The following TENT5A variants were observed in gnomAD, a reference collection of about 807,000 sequenced individuals.
The protein encoded by TENT5A is terminal nucleotidyltransferase 5A.
Under a neutral mutation model 30.2 loss-of-function variants are expected in TENT5A, and 9 were observed. The observed-to-expected ratio is 0.30, with a 90% CI of 0.18 to 0.52. TENT5A has a LOEUF of 0.52. TENT5A is among the 20% of genes least tolerant of loss of function. The pLI, the probability that TENT5A is intolerant of heterozygous loss-of-function variation, is 0.97. For synonymous variants in TENT5A, 264 were observed against 234.2 expected (o/e 1.13, Z -1.16); for missense variants, 411 against 566.1 (o/e 0.73, Z 2.78).
At position 81,747,371 on chromosome 6, in the gene TENT5A, G is replaced by A. The variant is rs1768908127; in HGVS notation, c.*2324C>T. On this transcript the variant is annotated 3_prime_UTR_variant, in exon 3 of 3. Transcript: ENST00000320172. The stretch of plus-strand genomic sequence containing the variant: ...TTTTCAAACCCAGGGCTTAAGTGAG[G>A]GAGACTGAGCCAAGATGGTAGTAGG... 2 of 985,734 alleles carry A rather than the reference G, an allele frequency of 2.0e-6. No homozygotes were observed. The highest frequency in any genetic ancestry group is 4.7e-5 in the South Asian group (1 of 21,292). The allele number at this position is 985,734 out of a possible 1,614,324, so 61.1% of individuals were successfully genotyped here. A position where few individuals can be genotyped will look rare whatever the true frequency, so the allele number is the denominator to read the frequency against.
rs997529529 is a variant in TENT5A, at chr6:81,752,275, C to CT, written c.-37-98dup. On this transcript the variant is annotated intron_variant, in intron 1 of 2. Coordinates refer to ENST00000320172, the MANE Select transcript of TENT5A (RefSeq NM_017633.3). ...AGGCCCGCCAGGAAAAGAGCGCCCCCTCCCCCGATAGTTCCCTGACCCCGG... is the reference window on the plus strand; with the variant it reads ...AGGCCCGCCAGGAAAAGAGCGCCCCCTTCCCCCGATAGTTCCCTGACCCCGG... 186 of 1,495,566 alleles carry CT rather than the reference C, an allele frequency of 1.2e-4. 1 individual carries two copies. Among genetic ancestry groups the CT allele is most frequent in the South Asian group, 2.6e-4 (20 of 75,832 alleles). 92.6% of individuals were successfully genotyped at this position (1,495,566 alleles called of 1,614,324 possible). A position where few individuals can be genotyped will look rare whatever the true frequency, so the allele number is the denominator to read the frequency against.
rs954582101 is a variant in TENT5A at position 81,746,830 on chromosome 6, A to C, written c.*2865T>G. 8.6e-6 allele frequency: 10 copies of C among 1,164,322 alleles called. No individual in the cohort carries two copies. Among genetic ancestry groups the C allele is most frequent in the Non-Finnish European group, 9.5e-6 (9 of 945,904 alleles). 72.1% of individuals were successfully genotyped at this position (1,164,322 alleles called of 1,614,324 possible). A position where few individuals can be genotyped will look rare whatever the true frequency, so the allele number is the denominator to read the frequency against. On this transcript the variant is annotated 3_prime_UTR_variant, in exon 3 of 3. Transcript: ENST00000320172. Reference sequence around the variant, plus strand: ...TCAAATTTTTAGGCCGCACATCCACAAAGAGAGACATATATTTCACTGTGT... The same window carrying C: ...TCAAATTTTTAGGCCGCACATCCACCAAGAGAGACATATATTTCACTGTGT...
At position 81,747,906 on chromosome 6, in the gene TENT5A, A is replaced by G; in HGVS notation, c.*1789T>C. On this transcript the variant is annotated 3_prime_UTR_variant, in exon 3 of 3. Coordinates refer to ENST00000320172, the MANE Select transcript of TENT5A (RefSeq NM_017633.3). ...TTCATTTCACAAAGGTATAACTGGT[A>G]TTTTTGTAAGAAAGAAAATAAAGTT... 1 of 985,674 alleles carries G rather than the reference A, an allele frequency of 1.0e-6. No individual in the cohort carries two copies. Among genetic ancestry groups the G allele is most frequent in the Non-Finnish European group, 1.2e-6 (1 of 829,746 alleles). 61.1% of individuals were successfully genotyped at this position (985,674 alleles called of 1,614,324 possible).
chr6:81,752,180 TA>T lies in TENT5A; in HGVS notation c.-37-3del. The T allele has an allele frequency of 1.3e-6, 2 of 1,499,758 alleles. No individual in the cohort carries two copies. Among genetic ancestry groups the T allele is most frequent in the Non-Finnish European group, 1.8e-6 (2 of 1,125,852 alleles). The allele number at this position is 1,499,758 out of a possible 1,614,324, so 92.9% of individuals were successfully genotyped here. A position where few individuals can be genotyped will look rare whatever the true frequency, so the allele number is the denominator to read the frequency against. On this transcript the variant is annotated splice_polypyrimidine_tract_variant and splice_region_variant and intron_variant, in intron 1 of 2. Coordinates refer to ENST00000320172, the MANE Select transcript of TENT5A (RefSeq NM_017633.3). ...AGCGCCACTTGGCCCTGGTCAGTCC[TA>T]AAAAGAAAGGGAAAGGAGCGCGGTG...
At position 81,750,124 on chromosome 6, in the gene TENT5A, C is replaced by G. The variant is rs1245493575; in HGVS notation, c.900G>C (p.Leu300Phe). 1 of 1,613,614 alleles carries G rather than the reference C, an allele frequency of 6.2e-7. No homozygotes were observed. Among genetic ancestry groups the G allele is most frequent in the Admixed American group, 1.7e-5 (1 of 59,960 alleles). Residue 300 changes from leucine to phenylalanine, a missense_variant, in exon 3 of 3, where the codon TTG (leucine) becomes TTC (phenylalanine). Leu to Phe is a conservative substitution (Grantham distance 22). Coordinates refer to ENST00000320172, the MANE Select transcript of TENT5A (RefSeq NM_017633.3). This position sits in a 1 kb window ranked among gnomAD's most constrained non-coding sequence, Gnocchi z 4.2. ...CAGAGGCGGGCCTAAAGCCCCTCAC[C>G]AAGAGGTTGCAGTACTTAAGCAGGC... ...GGGLLKYCNL[L>F]VRGFRPASDE...
At position 81,749,284 on chromosome 6, in the gene TENT5A, T is replaced by C; in HGVS notation, c.*411A>G. ...TCACAAGTTGGAGTGAGACCTTTTT[T>C]CCTCCGTATTTTCCCTTTTATGAAT... On this transcript the variant is annotated 3_prime_UTR_variant, in exon 3 of 3. Coordinates refer to ENST00000320172, the MANE Select transcript of TENT5A (RefSeq NM_017633.3). The C allele has an allele frequency of 1.0e-6, 1 of 994,596 alleles. No individual in the cohort carries two copies. The highest frequency in any genetic ancestry group is 1.2e-6 in the Non-Finnish European group (1 of 836,232). The allele number at this position is 994,596 out of a possible 1,614,324, so 61.6% of individuals were successfully genotyped here.
rs1768998972 is a variant in TENT5A, at chr6:81,749,991, C to T, written c.1033G>A (p.Val345Met). 1.9e-6 allele frequency: 3 copies of T among 1,614,074 alleles called. No homozygotes were observed. The highest frequency in any genetic ancestry group is 1.7e-5 in the Admixed American group (1 of 59,998). Residue 345 changes from valine to methionine, a missense_variant, in exon 3 of 3, where the codon GTG becomes ATG. Physicochemically the swap from Val to Met is conservative, Grantham distance 21. Coordinates refer to ENST00000320172, the MANE Select transcript of TENT5A (RefSeq NM_017633.3). ...KLESYLQNHF[V>M]GLEDRKYEYL... ...TCATACTTGCGGTCTTCCAATCCCA[C>T]AAAGTGGTTCTGCAAATAGGACTCC...
Position 81,752,054 on chromosome 6 carries a change from C to T in TENT5A, c.88G>A (p.Gly30Ser), listed in dbSNP as rs536859358. 6.3e-7 allele frequency: 1 copy of T among 1,592,844 alleles called. No individual in the cohort carries two copies. Among genetic ancestry groups the T allele is most frequent in the Non-Finnish European group, 8.5e-7 (1 of 1,169,744 alleles). Reference protein sequence around the residue: ...YIPLGGDFGGGDFGGGDFGGG... With the variant: ...YIPLGGDFGGSDFGGGDFGGG... ...CCGAAGTCGCCGCCGCCGAAGTCGC[C>T]GCCGCCGAAGTCGCCGCCTAGGGGG... is the stretch of plus-strand genomic sequence containing the variant. Residue 30 changes from glycine (G) to serine (S), a missense_variant, in exon 2 of 3, where the codon GGC becomes AGC. Gly to Ser is a moderately conservative substitution (Grantham distance 56). Around this residue, in one of 5 missense-constraint regions of TENT5A, gnomAD observed 10 missense variants for 32.6 expected, o/e 0.31. Transcript: ENST00000320172.
In TENT5A at chr6:81,752,456, G is replaced by A; in HGVS notation, c.-63C>T. 1 of 1,549,782 alleles carries A rather than the reference G, an allele frequency of 6.5e-7. No individual in the cohort carries two copies. The highest frequency in any genetic ancestry group is 8.7e-7 in the Non-Finnish European group (1 of 1,146,590). On this transcript the variant is annotated 5_prime_UTR_variant, in exon 1 of 3. Coordinates refer to ENST00000320172, the MANE Select transcript of TENT5A (RefSeq NM_017633.3). Reference sequence around the variant, plus strand: ...CTGGAGGCGGCCGCCCCTTCTAGGAGCGCAGCGAGCGAGAGCGAAACCGAG... The same window carrying A: ...CTGGAGGCGGCCGCCCCTTCTAGGAACGCAGCGAGCGAGAGCGAAACCGAG...
In TENT5A at chr6:81,750,826, C is replaced by T. The variant is rs1177862046; in HGVS notation, c.553-355G>A. The stretch of plus-strand genomic sequence containing the variant: ...GTATCCAAACAACATTCAAAAGACT[C>T]GGAAGGGCATTCAGCGGTAGGTTAG... On this transcript the variant is annotated intron_variant, in intron 2 of 2. Coordinates refer to ENST00000320172, the MANE Select transcript of TENT5A (RefSeq NM_017633.3). The surrounding 1 kb of genome is among the most constrained non-coding windows in gnomAD (Gnocchi z 4.2). 2.0e-5 allele frequency among the ~76,000 whole-genome samples: 3 copies of T among 152,204 alleles called. No individual in the cohort carries two copies. Among genetic ancestry groups the T allele is most frequent in the Non-Finnish European group, 4.4e-5 (3 of 68,040 alleles).
In TENT5A at chr6:81,747,328, T is replaced by C. The variant is rs1416227812; in HGVS notation, c.*2367A>G. The C allele has an allele frequency of 3.0e-6, 3 of 985,734 alleles. No homozygotes were observed. Among genetic ancestry groups the C allele is most frequent in the East Asian group, 2.3e-4 (2 of 8,826 alleles). The allele number at this position is 985,734 out of a possible 1,614,324, so 61.1% of individuals were successfully genotyped here. On this transcript the variant is annotated 3_prime_UTR_variant, in exon 3 of 3. Transcript: ENST00000320172. ...AATCTGCAAACTGAACAATGTTTCC[T>C]GGGAAGTTGCAATTAATTTTTCAAA...
chr6:81,752,378 A>C, intron 1 of TENT5A, 53 bp downstream of exon 1: 3 of 1,547,330 alleles, frequency 1.9e-6, no homozygotes, highest in Middle Eastern at 1.7e-4. Context: ...CCCCGCACCA[A>C]AAGTATCTCT....
rs1299658108 is a variant in TENT5A, at chr6:81,749,953, G to A, written c.1071C>T (p.Thr357=). Residue 357 remains threonine (T), a synonymous_variant, in exon 3 of 3, where the codon ACC becomes ACT. Coordinates refer to ENST00000320172, the MANE Select transcript of TENT5A (RefSeq NM_017633.3). The part of the protein sequence containing the change: ...LEDRKYEYLM[T]LHGVVNESTV... ...TGCTCTCATTTACCACTCCATGAAGGGTCATGAGATACTCATACTTGCGGT... is the reference window on the plus strand; with the variant it reads ...TGCTCTCATTTACCACTCCATGAAGAGTCATGAGATACTCATACTTGCGGT... The A allele has an allele frequency of 1.2e-6, 2 of 1,614,102 alleles. No homozygotes were observed. The highest frequency in any genetic ancestry group is 1.7e-6 in the Non-Finnish European group (2 of 1,180,008).
rs545732284 is a variant in TENT5A at position 81,749,628 on chromosome 6, CTT to C, written c.*65_*66del. On this transcript the variant is annotated 3_prime_UTR_variant, in exon 3 of 3. Transcript: ENST00000320172. Reference sequence around the variant, plus strand: ...AGGGCTGGATCACTCTTTTTTTTTTCTTTTTTTTTTTTTTCTCTCCTGTCTTG... The same window carrying C: ...AGGGCTGGATCACTCTTTTTTTTTTCTTTTTTTTTTTTCTCTCCTGTCTTG... The C allele has an allele frequency of 3.4e-3, 4,044 of 1,197,822 alleles. No individual in the cohort carries two copies. Among genetic ancestry groups the C allele is most frequent in the South Asian group, 9.0e-3 (467 of 52,076 alleles). The allele number at this position is 1,197,822 out of a possible 1,614,324, so 74.2% of individuals were successfully genotyped here. A position where few individuals can be genotyped will look rare whatever the true frequency, so the allele number is the denominator to read the frequency against.
In TENT5A at chr6:81,746,657, C is replaced by T; in HGVS notation, c.*3038G>A. ...TGCCAGGCTGGACAGGTGAGAAGAG[C>T]CTCCAAAAGACAAAACTTCTTCCTG... On this transcript the variant is annotated 3_prime_UTR_variant, in exon 3 of 3. Coordinates refer to ENST00000320172, the MANE Select transcript of TENT5A (RefSeq NM_017633.3). 1 of 1,231,166 alleles carries T rather than the reference C, an allele frequency of 8.1e-7. No individual in the cohort carries two copies. Among genetic ancestry groups the T allele is most frequent in the Non-Finnish European group, 1.0e-6 (1 of 987,384 alleles). The allele number at this position is 1,231,166 out of a possible 1,614,324, so 76.3% of individuals were successfully genotyped here. A position where few individuals can be genotyped will look rare whatever the true frequency, so the allele number is the denominator to read the frequency against.
rs1769001506 is a variant in TENT5A at position 81,750,112 on chromosome 6, A to G, written c.912T>C (p.Phe304=). ...TCTTGATTTCATCAGAGGCGGGCCT[A>G]AAGCCCCTCACCAAGAGGTTGCAGT... ...LKYCNLLVRG[F]RPASDEIKTL... is the part of the protein sequence containing the mutation. Residue 304 remains phenylalanine, a synonymous_variant, in exon 3 of 3, where the codon TTT becomes TTC. Coordinates refer to ENST00000320172, the MANE Select transcript of TENT5A (RefSeq NM_017633.3). This position sits in a 1 kb window ranked among gnomAD's most constrained non-coding sequence, Gnocchi z 4.2. The G allele has an allele frequency of 1.2e-6, 2 of 1,613,732 alleles. No individual in the cohort carries two copies. Among genetic ancestry groups the G allele is most frequent in the East Asian group, 2.2e-5 (1 of 44,886 alleles).
rs966564349 is a variant in TENT5A at position 81,748,969 on chromosome 6, G to A, written c.*726C>T. ...GGGTATTTTTATCTGTTAAATCTTTGGTCCTTGAGCACACTTTCTTTGTTA... is the reference window on the plus strand; with the variant it reads ...GGGTATTTTTATCTGTTAAATCTTTAGTCCTTGAGCACACTTTCTTTGTTA... On this transcript the variant is annotated 3_prime_UTR_variant, in exon 3 of 3. Transcript: ENST00000320172. The A allele has an allele frequency of 7.1e-6, 7 of 985,448 alleles. No individual in the cohort carries two copies. Among genetic ancestry groups the A allele is most frequent in the Non-Finnish European group, 8.4e-6 (7 of 829,838 alleles). 61.0% of individuals were successfully genotyped at this position (985,448 alleles called of 1,614,324 possible).
At chr6:81,752,281 C>G (rs1298856188) in intron 1 of TENT5A, 103 bp from the exon 2 acceptor site, 33 of 1,503,044 alleles carry the variant, frequency 2.2e-5, no homozygotes, top group Non-Finnish European at 2.7e-5. Flanking sequence ...CCCCCTCCCC[C>G]GATAGTTCCC....
Position 81,747,115 on chromosome 6 carries a change from G to T in TENT5A, c.*2580C>A, listed in dbSNP as rs1272661632. ...TGTTATAAATTAACAGCAGGTTATT[G>T]TTATGGCAGAGTCAGAGACCTCCAG... On this transcript the variant is annotated 3_prime_UTR_variant, in exon 3 of 3. Transcript: ENST00000320172. 123 of 985,196 alleles carry T rather than the reference G, an allele frequency of 1.2e-4. No individual in the cohort carries two copies. The highest frequency in any genetic ancestry group is 1.5e-4 in the Non-Finnish European group (122 of 829,736). The allele number at this position is 985,196 out of a possible 1,614,324, so 61.0% of individuals were successfully genotyped here.
Sources: allele counts gnomAD v4.1 joint callset (sites outside exome capture counted in the v4.1 genomes callset), GRCh38; gene constraint gnomAD v4.1.1; regional missense constraint gnomAD v4.1.1; non-coding constraint Gnocchi (gnomAD v3.1); transcripts MANE v1.5; gene names NCBI Gene and HGNC (gene_info 2026-07-23, HGNC 2026-07-21).